Variants in RALYL observed in about 807,000 individuals in gnomAD.
RALYL encodes RNA-binding Raly-like protein.
In RALYL, 29 loss-of-function variants were observed where a neutral mutation model predicts 35.1. The observed-to-expected ratio is 0.83, with a 90% CI of 0.61 to 1.13. The LOEUF (loss-of-function observed/expected upper bound fraction) is 1.13, where lower values mean the gene tolerates loss of function less well. Ranked by LOEUF, RALYL falls within the 50% of genes most tolerant of loss-of-function variation. The pLI is 0.00. For synonymous variants in RALYL, 120 were observed against 127.6 expected (o/e 0.94, Z 0.40); for missense variants, 359 against 360.4 (o/e 1.00, Z 0.03).
chr8:84,341,091 G>C (rs760642278), intron 1 of RALYL, among the ~76,000 whole-genome samples: 2 of 148,536 alleles, frequency 1.3e-5, no homozygotes, highest in Admixed American at 6.7e-5. Flanking sequence ...TCATATGCTT[G>C]TTGACCATTT....
At chr8:84,397,266 C>G (rs540447451) in intron 1 of RALYL, among the ~76,000 whole-genome samples, 1 of 152,288 alleles carries the variant, frequency 6.6e-6, no homozygotes, top group South Asian at 2.1e-4. Context: ...CTGTAAGACT[C>G]CTTTCAGACT....
chr8:84,527,260 A>C (rs914891874), intron 1 of RALYL, among the ~76,000 whole-genome samples: 1 of 152,346 alleles, frequency 6.6e-6, no homozygotes, highest in Admixed American at 6.5e-5. Flanking sequence ...TCATCTACAC[A>C]GAATAAAAGA....
chr8:84,910,274 T>A (rs1365668), intron 8 of RALYL, among the ~76,000 whole-genome samples: 68,280 of 151,954 alleles, frequency 0.45, 17,942 homozygotes, highest in African/African-American at 0.72. Flanking sequence ...AAAAATTAGA[T>A]ATTTTTTTCA....
chr8:84,202,455 C>A (rs1408163271), intron 1 of RALYL, among the ~76,000 whole-genome samples: 1 of 150,272 alleles, frequency 6.7e-6, no homozygotes, highest in Admixed American at 6.7e-5. Context: ...TCACTGCAAC[C>A]TCCGCCTCCC....
chr8:84,792,734 G>A (rs1229930765), intron 3 of RALYL, among the ~76,000 whole-genome samples: 1 of 152,090 alleles, frequency 6.6e-6, no homozygotes, highest in Non-Finnish European at 1.5e-5. Context: ...TCTCTCCCTG[G>A]GGCCAGCTTA....
intron 2 of RALYL, among the ~76,000 whole-genome samples, chr8:84,567,011 T>C (rs2061828126): frequency 6.6e-6 from 1 of 151,798 alleles, no homozygotes; most frequent in African/African-American, 2.4e-5. Flanking sequence ...TCCTCATTTG[T>C]ATTGAATATG....
intron 1 of RALYL, among the ~76,000 whole-genome samples, chr8:84,472,693 A>T (rs1271754967): frequency 1.3e-5 from 2 of 152,142 alleles, no homozygotes; most frequent in African/African-American, 4.8e-5. Flanking sequence ...CAAGCCTGAA[A>T]AAAAAAGTAG....
chr8:84,253,405 T>C (rs944728026), intron 1 of RALYL, among the ~76,000 whole-genome samples: 1 of 151,134 alleles, frequency 6.6e-6, no homozygotes, highest in Non-Finnish European at 1.5e-5. Context: ...TTTCACCATG[T>C]TGGCCAGGAT....
intron 2 of RALYL, among the ~76,000 whole-genome samples, chr8:84,673,039 T>C (rs1833561461): frequency 6.6e-6 from 1 of 152,230 alleles, no homozygotes; most frequent in Admixed American, 6.5e-5. Flanking sequence ...CAGCATTTGT[T>C]ATTTTTTGAC....
chr8:84,509,611 T>C (rs1375990654), intron 1 of RALYL, among the ~76,000 whole-genome samples: 1 of 152,178 alleles, frequency 6.6e-6, no homozygotes, highest in Non-Finnish European at 1.5e-5. Flanking sequence ...GCCATCTGTA[T>C]TTCATCTTAG....
intron 1 of RALYL, among the ~76,000 whole-genome samples, chr8:84,417,542 T>A (rs1489047632): frequency 6.6e-6 from 1 of 152,004 alleles, no homozygotes; most frequent in Non-Finnish European, 1.5e-5. Flanking sequence ...TTTTTTTTTT[T>A]CTTTTATGAT....
intron 2 of RALYL, among the ~76,000 whole-genome samples, chr8:84,569,204 T>C (rs992404237): frequency 5.9e-5 from 9 of 151,378 alleles, no homozygotes; most frequent in East Asian, 1.9e-4. Flanking sequence ...GTCTTTAATC[T>C]ATCTTGAATT....
rs549909837 is a variant in RALYL, at chr8:84,399,988, ATG to A, written c.-23-129310_-23-129309del. 3.0e-4 allele frequency among the ~76,000 whole-genome samples: 45 copies of A among 152,292 alleles called. No homozygotes were observed. The East Asian group carries it at 8.4e-3, about 28-fold the overall frequency. On this transcript the variant is annotated intron_variant, in intron 1 of 8. Coordinates refer to ENST00000521268, the MANE Select transcript of RALYL (RefSeq NM_173848.7). ...AAAAATTTGCCAGGCATGGCGGCACATGCCTGTAACCACAGCTACTTAGGAGG... is the reference window on the plus strand; with the variant it reads ...AAAAATTTGCCAGGCATGGCGGCACACCTGTAACCACAGCTACTTAGGAGG...
At chr8:84,880,751 A>G (rs1016425875) in intron 7 of RALYL, among the ~76,000 whole-genome samples, 10 of 151,922 alleles carry the variant, frequency 6.6e-5, no homozygotes, top group Admixed American at 2.0e-4. Flanking sequence ...ATCACCACAA[A>G]TCAGTTAGGA....
chr8:84,877,495 AATATATAT>A (rs141125949), intron 7 of RALYL, among the ~76,000 whole-genome samples: 1 of 149,340 alleles, frequency 6.7e-6, no homozygotes, highest in Non-Finnish European at 1.5e-5. Context: ...AAAACAAATA[AATATATAT>A]ATATATATAT....
At chr8:84,531,102 C>T (rs2059250087) in intron 2 of RALYL, among the ~76,000 whole-genome samples, 1 of 151,954 alleles carries the variant, frequency 6.6e-6, no homozygotes, top group Non-Finnish European at 1.5e-5. Flanking sequence ...TTCATAGCAC[C>T]TATCAGAATC....
chr8:84,807,026 T>G (rs186929053), intron 4 of RALYL, among the ~76,000 whole-genome samples: 1 of 151,968 alleles, frequency 6.6e-6, no homozygotes, highest in African/African-American at 2.4e-5. Context: ...AATAAAAGCA[T>G]GTATGTAGCT....
intron 1 of RALYL, among the ~76,000 whole-genome samples, chr8:84,451,490 G>A (rs1563954369): frequency 6.6e-6 from 1 of 151,852 alleles, no homozygotes; most frequent in African/African-American, 2.4e-5. Context: ...TTTATATACA[G>A]AATGTACATA....
intron 1 of RALYL, among the ~76,000 whole-genome samples, chr8:84,361,687 A>G (rs1481113819): frequency 6.6e-6 from 1 of 152,168 alleles, no homozygotes; most frequent in East Asian, 1.9e-4. Flanking sequence ...ATGTGGGGAA[A>G]GCAGGAATCA....
Sources: gnomAD v4.1 joint callset for allele counts (sites outside exome capture counted in the v4.1 genomes callset) on GRCh38, gnomAD v4.1.1 for gene constraint, MANE v1.5 for transcripts, NCBI Gene and HGNC (gene_info 2026-07-23, HGNC 2026-07-21) for gene names.